KIAA1328: variants seen among roughly 807,000 people sequenced by gnomAD.
The protein encoded by KIAA1328 is protein hinderin.
In KIAA1328, 52 loss-of-function variants were observed where a neutral mutation model predicts 68.1. The ratio of observed to expected loss-of-function variants is 0.76; its 90% CI spans 0.61 to 0.96. The LOEUF (loss-of-function observed/expected upper bound fraction) is 0.96. Among genes scored for constraint, KIAA1328 ranks in the 40% least tolerant of loss-of-function variants. KIAA1328 has a pLI of 0.00. For missense variants in KIAA1328, 641 were observed against 677.6 expected (o/e 0.95, Z 0.60); for synonymous variants, 232 against 239.4 (o/e 0.97, Z 0.28).
chr18:36,919,913 G>A (rs1044417434), intron 5 of KIAA1328, among the ~76,000 whole-genome samples: 1 of 151,966 alleles, frequency 6.6e-6, no homozygotes, highest in African/African-American at 2.4e-5. Flanking sequence ...TTTAAAAATG[G>A]GGTTATTTGG....
chr18:37,207,513 G>A (rs2060238331), intron 9 of KIAA1328, among the ~76,000 whole-genome samples: 1 of 152,210 alleles, frequency 6.6e-6, no homozygotes, highest in Non-Finnish European at 1.5e-5. Flanking sequence ...GTCCTGCTTA[G>A]GAGTATCACT....
intron 7 of KIAA1328, among the ~76,000 whole-genome samples, chr18:37,110,586 A>G (rs2151900799): frequency 6.6e-6 from 1 of 152,320 alleles, no homozygotes. Context: ...TAGTTTCTTT[A>G]CATTGATTTT....
chr18:36,874,170 T>C (rs915477407), intron 4 of KIAA1328, among the ~76,000 whole-genome samples: 4 of 152,192 alleles, frequency 2.6e-5, no homozygotes, highest in Non-Finnish European at 5.9e-5. Context: ...GTCTTTATAG[T>C]AGAACAATTT....
At chr18:37,165,873 T>TC (rs2059379621) in intron 8 of KIAA1328, among the ~76,000 whole-genome samples, 1 of 152,028 alleles carries the variant, frequency 6.6e-6, no homozygotes, top group African/African-American at 2.4e-5. Context: ...GAAAATGCTC[T>TC]TTATCGGGCT....
chr18:36,879,574 C>G (rs761623083), intron 4 of KIAA1328, among the ~76,000 whole-genome samples: 1 of 152,202 alleles, frequency 6.6e-6, no homozygotes, highest in African/African-American at 2.4e-5. Context: ...GAGATCTGCT[C>G]CTCTCTTCAG....
chr18:36,834,268 A>G lies in KIAA1328; in HGVS notation c.59-52A>G. 4.8e-6 allele frequency: 7 copies of G among 1,472,486 alleles called. No individual in the cohort carries two copies. In the South Asian group the frequency reaches 9.5e-5, roughly 20 times the overall value. The allele number at this position is 1,472,486 out of a possible 1,614,324, so 91.2% of individuals were successfully genotyped here. A position where few individuals can be genotyped will look rare whatever the true frequency, so the allele number is the denominator to read the frequency against. Reference sequence around the variant, plus strand: ...AAGAGGTATACAGAACAGAAGCAGCATTTGGATGCCGGATAATATTATTGT... The same window carrying G: ...AAGAGGTATACAGAACAGAAGCAGCGTTTGGATGCCGGATAATATTATTGT... On this transcript the variant is annotated intron_variant, in intron 1 of 9. Transcript: ENST00000280020.
At chr18:37,039,868 C>G (rs544933684) in intron 6 of KIAA1328, among the ~76,000 whole-genome samples, 1 of 152,282 alleles carries the variant, frequency 6.6e-6, no homozygotes, top group East Asian at 1.9e-4. Flanking sequence ...GTCTGTTAAA[C>G]TGGTCTCTTA....
At chr18:37,097,287 C>T (rs1473506462) in intron 7 of KIAA1328, among the ~76,000 whole-genome samples, 5 of 152,216 alleles carry the variant, frequency 3.3e-5, no homozygotes, top group African/African-American at 1.2e-4. Flanking sequence ...CAGCTTTCTA[C>T]ATATGGCTAG....
intron 7 of KIAA1328, among the ~76,000 whole-genome samples, chr18:37,144,601 A>G (rs959005673): frequency 2.6e-5 from 4 of 151,960 alleles, no homozygotes; most frequent in African/African-American, 9.7e-5. Flanking sequence ...CAGTGGTACA[A>G]TCTTGGATCT....
chr18:37,172,471 C>T (rs1240086293), intron 8 of KIAA1328, among the ~76,000 whole-genome samples: 1 of 152,092 alleles, frequency 6.6e-6, no homozygotes, highest in Non-Finnish European at 1.5e-5. Context: ...CCATGGCACT[C>T]GAATGAATAT....
chr18:36,942,395 C>T (rs935236276), intron 5 of KIAA1328, among the ~76,000 whole-genome samples: 1 of 152,134 alleles, frequency 6.6e-6, no homozygotes, highest in African/African-American at 2.4e-5. Context: ...TGAAATTTCA[C>T]GCTTTGTTAG....
At chr18:37,010,892 A>G (rs571626097) in intron 6 of KIAA1328, among the ~76,000 whole-genome samples, 13 of 152,188 alleles carry the variant, frequency 8.5e-5, no homozygotes, top group Non-Finnish European at 1.8e-4. Context: ...AAAAAAATGA[A>G]ATATTCAACA....
At chr18:37,144,661 TG>T (rs1384929946) in intron 7 of KIAA1328, among the ~76,000 whole-genome samples, 2 of 152,030 alleles carry the variant, frequency 1.3e-5, no homozygotes, top group East Asian at 3.9e-4. Flanking sequence ...CCTGAGTAGC[TG>T]GGACTACAGG....
At position 36,835,264 on chromosome 18, in the gene KIAA1328, G is replaced by A. The variant is rs1204966797; in HGVS notation, c.125G>A (p.Arg42Lys). 6.2e-7 allele frequency: 1 copy of A among 1,612,854 alleles called. No homozygotes were observed. Among genetic ancestry groups the A allele is most frequent in the Non-Finnish European group, 8.5e-7 (1 of 1,179,426 alleles). ...GISAEGNVRS[R>K]HKLMSPKADV... The stretch of plus-strand genomic sequence containing the variant: ...TCTGCTGAAGGAAATGTCAGATCAA[G>A]ACACAAGCTGATGAGTCCAAAAGCT... The change falls in exon 3 of 10, where the codon AGA (arginine) becomes AAA (lysine). Residue 42 changes from arginine to lysine, a missense_variant. Transcript: ENST00000280020.
At chr18:37,012,765 CTT>C (rs2054020539) in intron 6 of KIAA1328, among the ~76,000 whole-genome samples, 1 of 152,206 alleles carries the variant, frequency 6.6e-6, no homozygotes, top group African/African-American at 2.4e-5. Context: ...ACATTGGACT[CTT>C]AAATGTATCC....
At position 36,900,191 on chromosome 18, in the gene KIAA1328, G is replaced by A. The variant is rs144242828; in HGVS notation, c.448+14519G>A. On this transcript the variant is annotated intron_variant, in intron 5 of 9. Coordinates refer to ENST00000280020, the MANE Select transcript of KIAA1328 (RefSeq NM_020776.3). ...ATTCAAATATTAAAATTTTCTTATTGGTGTTAAAATGGTCAATCTTGTAAA... is the reference window on the plus strand; with the variant it reads ...ATTCAAATATTAAAATTTTCTTATTAGTGTTAAAATGGTCAATCTTGTAAA... Among the ~76,000 whole-genome samples the A allele has an allele frequency of 5.5e-3, 838 of 151,904 alleles. 3 individuals are homozygous for A. The highest frequency in any genetic ancestry group is 0.02 in the African/African-American group (812 of 41,484).
chr18:37,086,480 A>C (rs1023561877), intron 7 of KIAA1328, among the ~76,000 whole-genome samples: 1 of 152,112 alleles, frequency 6.6e-6, no homozygotes, highest in Non-Finnish European at 1.5e-5. Context: ...TTCCTTACCT[A>C]TCATCCTGGA....
rs1158946635 is a variant in KIAA1328 at position 37,067,189 on chromosome 18, G to C, written c.876G>C (p.Met292Ile). 1 of 1,614,000 alleles carries C rather than the reference G, an allele frequency of 6.2e-7. No individual in the cohort carries two copies. The highest frequency in any genetic ancestry group is 1.7e-5 in the Admixed American group (1 of 60,028). Reference sequence around the variant, plus strand: ...AAATGCCACAAGAAGAATTGCACATGAAGGAATGTCCACATCTTAAGCCTA... The same window carrying C: ...AAATGCCACAAGAAGAATTGCACATCAAGGAATGTCCACATCTTAAGCCTA... The part of the protein sequence containing the change: ...TEKMPQEELH[M>I]KECPHLKPTP... Residue 292 changes from methionine (M) to isoleucine (I), a missense_variant, in exon 7 of 10, where the codon ATG becomes ATC. Met to Ile is a conservative substitution (Grantham distance 10, BLOSUM62 1). Transcript: ENST00000280020.
chr18:37,042,383 A>G (rs1031837236), intron 6 of KIAA1328, among the ~76,000 whole-genome samples: 1 of 152,158 alleles, frequency 6.6e-6, no homozygotes, highest in Admixed American at 6.5e-5. Context: ...TTTCTTCAGC[A>G]TTTCTTATAA....
Sources: gnomAD v4.1 joint callset for allele counts (sites outside exome capture counted in the v4.1 genomes callset) on GRCh38, gnomAD v4.1.1 for gene constraint, MANE v1.5 for transcripts, NCBI Gene and HGNC (gene_info 2026-07-23, HGNC 2026-07-21) for gene names.